Variants in PDE4D observed in about 807,000 individuals in gnomAD.
PDE4D encodes phosphodiesterase 4D, also known as 3',5'-cyclic-AMP phosphodiesterase 4D.
PDE4D carries 24 observed loss-of-function variants against 87.4 expected under a neutral mutation model. That is an observed-to-expected ratio of 0.27 (90% confidence interval 0.20 to 0.39). The LOEUF (loss-of-function observed/expected upper bound fraction) is 0.39. PDE4D is among the 10% of genes least tolerant of loss of function. The probability of loss-of-function intolerance (pLI) is 1.00; values close to 1 mark genes in which losing one functional copy is unlikely to be tolerated. For missense variants in PDE4D, 714 were observed against 1,041.0 expected, an observed-to-expected ratio of 0.69 and a Z score of 4.32; for synonymous variants, 384 against 383.2, an observed-to-expected ratio of 1.00 and a Z score of -0.02.
chr5:59,693,497 CA>C (rs761424672), intron 1 of PDE4D, among the ~76,000 whole-genome samples: 3 of 152,070 alleles, frequency 2.0e-5, no homozygotes, highest in Non-Finnish European at 1.5e-5. Context: ...GACAGATCTG[CA>C]AAGAAAATCA....
chr5:59,992,712 G>A (rs1014637528), intron 2 of PDE4D, among the ~76,000 whole-genome samples: 3 of 151,990 alleles, frequency 2.0e-5, no homozygotes, highest in African/African-American at 4.8e-5. Context: ...GCCTCAAGAC[G>A]TAACTTTTTT....
intron 2 of PDE4D, among the ~76,000 whole-genome samples, chr5:60,026,066 C>T (rs946475724): frequency 6.6e-6 from 1 of 152,072 alleles, no homozygotes; most frequent in Non-Finnish European, 1.5e-5. Context: ...AAAATTATAA[C>T]ATGAAATGAT....
intron 1 of PDE4D, among the ~76,000 whole-genome samples, chr5:59,573,046 C>A (rs1053573777): frequency 6.6e-6 from 1 of 152,110 alleles, no homozygotes. Flanking sequence ...CCAATGGACA[C>A]GGGGATTTGT....
At chr5:59,774,263 A>G (rs1440496347) in intron 1 of PDE4D, among the ~76,000 whole-genome samples, 1 of 152,200 alleles carries the variant, frequency 6.6e-6, no homozygotes, top group Non-Finnish European at 1.5e-5. Flanking sequence ...AATATTTCCT[A>G]TTCAATATGA....
At chr5:59,609,399 C>CACACACACACAT (rs1291122998) in intron 1 of PDE4D, among the ~76,000 whole-genome samples, 34 of 151,246 alleles carry the variant, frequency 2.2e-4, no homozygotes, top group African/African-American at 6.5e-4. Flanking sequence ...CACACACACA[C>CACACACACACAT]ATATATATAT....
chr5:60,429,449 C>T (rs546658149), intron 1 of PDE4D, among the ~76,000 whole-genome samples: 1 of 152,072 alleles, frequency 6.6e-6, no homozygotes, highest in African/African-American at 2.4e-5. Context: ...TATTTGGATG[C>T]CTCTTATTTC....
chr5:59,661,416 A>T (rs1168143946), intron 1 of PDE4D, among the ~76,000 whole-genome samples: 1 of 152,174 alleles, frequency 6.6e-6, no homozygotes, highest in African/African-American at 2.4e-5. Flanking sequence ...TTAATGACAG[A>T]TAAAGTCAGC....
chr5:59,047,720 C>T (rs918186671), intron 5 of PDE4D, among the ~76,000 whole-genome samples: 2 of 152,188 alleles, frequency 1.3e-5, no homozygotes, highest in African/African-American at 4.8e-5. Context: ...TGTGTCTCTC[C>T]AATATTCATA....
At chr5:58,981,437 TA>T (rs2153319048) in intron 11 of PDE4D, among the ~76,000 whole-genome samples, 1 of 151,062 alleles carries the variant, frequency 6.6e-6, no homozygotes. Context: ...AATAAATACT[TA>T]AATACTAATA....
At chr5:59,064,069 G>T (rs934357210) in intron 5 of PDE4D, among the ~76,000 whole-genome samples, 1 of 151,458 alleles carries the variant, frequency 6.6e-6, no homozygotes, top group Non-Finnish European at 1.5e-5. Flanking sequence ...TAAAAAAAAT[G>T]AGAAAAAAAT....
chr5:59,767,277 C>T (rs1762919669), intron 1 of PDE4D, among the ~76,000 whole-genome samples: 2 of 151,948 alleles, frequency 1.3e-5, no homozygotes, highest in Admixed American at 1.3e-4. Flanking sequence ...TTTTCTTTAT[C>T]ATAATTTATA....
intron 5 of PDE4D, among the ~76,000 whole-genome samples, chr5:59,076,427 G>C (rs771553256): frequency 6.6e-6 from 1 of 152,104 alleles, no homozygotes; most frequent in African/African-American, 2.4e-5. Flanking sequence ...ATTATACTAC[G>C]TGAAGTCTTC....
At chr5:59,548,765 GTC>G (rs1161232645) in intron 1 of PDE4D, among the ~76,000 whole-genome samples, 1 of 152,120 alleles carries the variant, frequency 6.6e-6, no homozygotes, top group African/African-American at 2.4e-5. Context: ...GAAAGTATGG[GTC>G]CTACAACAGA....
At chr5:59,002,059 T>A (rs994371595) in intron 6 of PDE4D, 1 of 516,646 alleles carries the variant, frequency 1.9e-6, no homozygotes, top group Non-Finnish European at 3.9e-6. Flanking sequence ...AGTTTATTCC[T>A]TACCATTACC....
intron 6 of PDE4D, among the ~76,000 whole-genome samples, chr5:59,007,227 T>G (rs1375369323): frequency 6.6e-6 from 1 of 152,178 alleles, no homozygotes; most frequent in Non-Finnish European, 1.5e-5. Flanking sequence ...GGAAAATATT[T>G]TATCCTATAA....
chr5:59,180,162 T>G (rs921976884), intron 5 of PDE4D, among the ~76,000 whole-genome samples: 40 of 152,190 alleles, frequency 2.6e-4, no homozygotes, highest in Non-Finnish European at 4.7e-4. Context: ...CAATGTTGCT[T>G]CCTACACACA....
intron 2 of PDE4D, among the ~76,000 whole-genome samples, chr5:60,052,647 C>T (rs1276368376): frequency 6.6e-6 from 1 of 152,188 alleles, no homozygotes; most frequent in Non-Finnish European, 1.5e-5. Flanking sequence ...GATGTCCTCT[C>T]TCACCACTCC....
chr5:60,316,915 T>C (rs112459933), intron 1 of PDE4D, among the ~76,000 whole-genome samples: 13,434 of 152,162 alleles, frequency 0.088, 1,948 homozygotes, highest in African/African-American at 0.31. Flanking sequence ...ATTTTTGCAT[T>C]GATGTTCATT....
At chr5:59,658,801 T>C (rs530044581) in intron 1 of PDE4D, among the ~76,000 whole-genome samples, 329 of 152,156 alleles carry the variant, frequency 2.2e-3, no homozygotes, top group African/African-American at 7.5e-3. Context: ...TCTTTATAAA[T>C]AAAAAAGTGT....
Sources: gnomAD v4.1 joint callset for allele counts (sites outside exome capture counted in the v4.1 genomes callset) on GRCh38, gnomAD v4.1.1 for gene constraint, MANE v1.5 for transcripts, NCBI Gene and HGNC (gene_info 2026-07-23, HGNC 2026-07-21) for gene names.